Variants in PPIL4 observed in about 807,000 individuals in gnomAD.
The protein encoded by PPIL4 is peptidylprolyl isomerase like 4.
Under a neutral mutation model 69.1 loss-of-function variants are expected in PPIL4, and 50 were observed. The observed-to-expected ratio is 0.72, with a 90% CI of 0.58 to 0.92. PPIL4 has a LOEUF of 0.92. Among genes scored for constraint, PPIL4 ranks in the 40% least tolerant of loss-of-function variants. The pLI, the probability that PPIL4 is intolerant of heterozygous loss-of-function variation, is 0.00. For missense variants in PPIL4, 480 were observed against 587.9 expected, an observed-to-expected ratio of 0.82 and a Z score of 1.90; for synonymous variants, 193 against 191.6, an observed-to-expected ratio of 1.01 and a Z score of -0.06.
intron 7 of PPIL4, among the ~76,000 whole-genome samples, chr6:149,531,397 T>G (rs965769918): frequency 7.0e-6 from 1 of 143,192 alleles, no homozygotes. Context: ...TAGCCAGGCG[T>G]GGGTGGCAGG....
chr6:149,545,913 G>A (rs760434798), intron 1 of PPIL4, 23 bp downstream of exon 1: 3 of 1,569,512 alleles, frequency 1.9e-6, no homozygotes, highest in Admixed American at 1.8e-5. Flanking sequence ...CCCGGCGACA[G>A]GTGAGTGGGG....
intron 4 of PPIL4, among the ~76,000 whole-genome samples, chr6:149,538,250 G>GT (rs1777309024): frequency 6.6e-6 from 1 of 151,830 alleles, no homozygotes; most frequent in African/African-American, 2.4e-5. Flanking sequence ...GGGTGACAGA[G>GT]TGAGAATCTG....
Position 149,535,598 on chromosome 6 carries a change from G to C in PPIL4, c.462C>G (p.Ile154Met). The C allele has an allele frequency of 6.2e-7, 1 of 1,608,016 alleles. No individual in the cohort carries two copies. The highest frequency in any genetic ancestry group is 8.5e-7 in the Non-Finnish European group (1 of 1,177,164). ...VDKDFVPYQDIRINHTVILDD... is the reference protein window; with the variant it reads ...VDKDFVPYQDMRINHTVILDD... Reference sequence around the variant, plus strand: ...CAGATAGCAAATTGTAACCATACCTGATATCCTGATATGGTACAAAGTCCT... The same window carrying C: ...CAGATAGCAAATTGTAACCATACCTCATATCCTGATATGGTACAAAGTCCT... The change falls in exon 5 of 13, where the codon ATC (isoleucine) becomes ATG (methionine). Residue 154 changes from isoleucine to methionine, a missense_variant and splice_region_variant. Physicochemically the swap from Ile to Met is conservative, Grantham distance 10. Coordinates refer to ENST00000253329, the MANE Select transcript of PPIL4 (RefSeq NM_139126.4).
intron 8 of PPIL4, 144 bp downstream of exon 8, chr6:149,526,508 C>T (rs527822856): frequency 7.6e-6 from 5 of 658,050 alleles, no homozygotes; most frequent in African/African-American, 7.3e-5. Flanking sequence ...ACTTTTCTTC[C>T]CTACTGTCCA....
intron 6 of PPIL4, 139 bp from the exon 7 acceptor site, chr6:149,533,713 C>A: frequency 4.0e-6 from 2 of 497,996 alleles, no homozygotes; most frequent in South Asian, 7.1e-5. Flanking sequence ...TACAATCACA[C>A]CACTGCACTC....
chr6:149,533,718 G>C (rs529692455), intron 6 of PPIL4, 144 bp from the exon 7 acceptor site: 11 of 491,842 alleles, frequency 2.2e-5, no homozygotes, highest in African/African-American at 2.0e-4. Flanking sequence ...TCACACCACT[G>C]CACTCCAGCT....
At chr6:149,521,323 C>T in intron 9 of PPIL4, 152 bp from the exon 10 acceptor site, 1 of 598,370 alleles carries the variant, frequency 1.7e-6, no homozygotes, top group East Asian at 2.9e-5. Flanking sequence ...GTATCTATTA[C>T]CTCAAATACC....
intron 7 of PPIL4, among the ~76,000 whole-genome samples, chr6:149,528,222 C>G (rs1322779308): frequency 2.6e-5 from 4 of 152,014 alleles, no homozygotes; most frequent in African/African-American, 9.7e-5. Flanking sequence ...GCACTCCAGC[C>G]TAGAAAACAG....
chr6:149,530,559 T>G (rs563195536), intron 7 of PPIL4, among the ~76,000 whole-genome samples: 1 of 151,920 alleles, frequency 6.6e-6, no homozygotes, highest in Non-Finnish European at 1.5e-5. Context: ...CCCAGGAGGC[T>G]GAGGCAGGAG....
At position 149,512,321 on chromosome 6, in the gene PPIL4, G is replaced by C; in HGVS notation, c.1080-19C>G. On this transcript the variant is annotated intron_variant, in intron 11 of 12. Transcript: ENST00000253329. ...TTTTGTACTGCAGTAGTTAGTTAAG[G>C]ATAAATGTGATAAATAATACTGGTA... 1 of 1,566,186 alleles carries C rather than the reference G, an allele frequency of 6.4e-7. No homozygotes were observed. The highest frequency in any genetic ancestry group is 1.7e-4 in the Middle Eastern group (1 of 5,824).
At position 149,504,846 on chromosome 6, in the gene PPIL4, T is replaced by C. The variant is rs1191348398; in HGVS notation, c.*607A>G. 6.6e-6 allele frequency: 1 copy of C among 152,176 alleles called. No individual in the cohort carries two copies. Among genetic ancestry groups the C allele is most frequent in the Non-Finnish European group, 1.5e-5 (1 of 68,040 alleles). 9.4% of individuals were successfully genotyped at this position (152,176 alleles called of 1,614,324 possible). Reference sequence around the variant, plus strand: ...CAAAAACAAATAAACAAAACTCAAATGTCCATCAAGAATGAATAAGTTGTA... The same window carrying C: ...CAAAAACAAATAAACAAAACTCAAACGTCCATCAAGAATGAATAAGTTGTA... On this transcript the variant is annotated 3_prime_UTR_variant, in exon 13 of 13. Coordinates refer to ENST00000253329, the MANE Select transcript of PPIL4 (RefSeq NM_139126.4).
At position 149,521,080 on chromosome 6, in the gene PPIL4, T is replaced by C; in HGVS notation, c.962A>G (p.Lys321Arg). The C allele has an allele frequency of 6.3e-7, 1 of 1,592,160 alleles. No homozygotes were observed. The highest frequency in any genetic ancestry group is 8.6e-7 in the Non-Finnish European group (1 of 1,162,588). The change falls in exon 10 of 13, where the codon AAG becomes AGG. Residue 321 changes from lysine to arginine, a missense_variant. Physicochemically the swap from Lys to Arg is conservative, Grantham distance 26. Transcript: ENST00000253329. ...CATACCTTTTCCTTTCCATTTAACCTTTGCAACCGACTGGCTAAAATCCAC... is the reference window on the plus strand; with the variant it reads ...CATACCTTTTCCTTTCCATTTAACCCTTGCAACCGACTGGCTAAAATCCAC... ...IHVDFSQSVAKVKWKGKGGKY... is the reference protein window; with the variant it reads ...IHVDFSQSVARVKWKGKGGKY...
chr6:149,520,705 C>A (rs893738648), intron 10 of PPIL4, among the ~76,000 whole-genome samples: 4 of 152,032 alleles, frequency 2.6e-5, no homozygotes, highest in African/African-American at 9.7e-5. Context: ...AAGGCTCATA[C>A]AAGCATGAAA....
rs1238813359 is a variant in PPIL4, at chr6:149,512,248, G to C, written c.1134C>G (p.His378Gln). The stretch of plus-strand genomic sequence containing the variant: ...TCTTGTGTTTTTTACTTGTGTGTGA[G>C]TGACTTGATTTTGAGTCTTCGGCCT... The part of the protein sequence containing the change: ...DEQAEDSKSS[H>Q]SHTSKKHKKK... The change falls in exon 12 of 13, where the codon CAC (histidine) becomes CAG (glutamine). Residue 378 changes from histidine to glutamine, a missense_variant. By Grantham distance (24) the His-to-Gln change is conservative. Coordinates refer to ENST00000253329, the MANE Select transcript of PPIL4 (RefSeq NM_139126.4). The C allele has an allele frequency of 6.2e-7, 1 of 1,613,184 alleles. No individual in the cohort carries two copies. The highest frequency in any genetic ancestry group is 1.1e-5 in the South Asian group (1 of 91,056).
chr6:149,530,426 C>T (rs975379733), intron 7 of PPIL4, among the ~76,000 whole-genome samples: 2 of 151,030 alleles, frequency 1.3e-5, no homozygotes, highest in Non-Finnish European at 3.0e-5. Context: ...TTTGGGAGGC[C>T]GAGGCAGGCA....
intron 9 of PPIL4, among the ~76,000 whole-genome samples, chr6:149,524,204 G>A (rs1777073285): frequency 7.0e-6 from 1 of 142,890 alleles, no homozygotes; most frequent in African/African-American, 2.5e-5. Flanking sequence ...TTCACTAGGT[G>A]TGTGATTTTG....
chr6:149,542,065 A>C (rs1777372586), intron 1 of PPIL4, among the ~76,000 whole-genome samples: 1 of 152,138 alleles, frequency 6.6e-6, no homozygotes, highest in African/African-American at 2.4e-5. Flanking sequence ...TAGAAAAAAA[A>C]CATTTTAAAT....
chr6:149,539,641 A>C lies in PPIL4; in HGVS notation c.321+1301T>G, dbSNP rs1237157859. On this transcript the variant is annotated intron_variant, in intron 4 of 12. Transcript: ENST00000253329. ...CCCATCTGCCTGCCTTGCCCCCGCA[A>C]AGTACTGGGATTACAGATGTATGCT... Among the ~76,000 whole-genome samples the C allele has an allele frequency of 3.3e-5, 5 of 152,280 alleles. No individual in the cohort carries two copies. In the East Asian group the frequency reaches 7.7e-4, roughly 23 times the overall value.
intron 8 of PPIL4, 24 bp downstream of exon 8, chr6:149,526,628 T>G (rs947004372): frequency 1.8e-5 from 29 of 1,583,576 alleles, no homozygotes; most frequent in African/African-American, 2.7e-5. Flanking sequence ...TCTAAATATC[T>G]CTTTCACTAA....
Sources: allele counts gnomAD v4.1 joint callset (sites outside exome capture counted in the v4.1 genomes callset), GRCh38; gene constraint gnomAD v4.1.1; transcripts MANE v1.5; gene names NCBI Gene and HGNC (gene_info 2026-07-23, HGNC 2026-07-21).